DPF3: variants seen among roughly 807,000 people sequenced by gnomAD.
The protein encoded by DPF3 is zinc finger protein DPF3.
DPF3 carries 18 observed loss-of-function variants against 56.8 expected under a neutral mutation model. The observed-to-expected ratio is 0.32, with a 90% CI of 0.22 to 0.47. The LOEUF (loss-of-function observed/expected upper bound fraction) is 0.47, where lower values mean the gene tolerates loss of function less well. Among genes scored for constraint, DPF3 ranks in the 20% least tolerant of loss-of-function variants. The probability of loss-of-function intolerance (pLI) is 1.00; values close to 1 mark genes in which losing one functional copy is unlikely to be tolerated. For synonymous variants in DPF3, 188 were observed against 180.2 expected (o/e 1.04, Z -0.35); for missense variants, 403 against 488.8 (o/e 0.82, Z 1.65).
intron 1 of DPF3, among the ~76,000 whole-genome samples, chr14:72,800,553 TATGGATGC>T (rs1354728108): frequency 1.4e-5 from 2 of 143,494 alleles, no homozygotes; most frequent in South Asian, 2.2e-4. Flanking sequence ...CAGATGGATG[TATGGATGC>T]ATGGATGCAT....
chr14:72,771,994 A>C (rs1891553157), intron 1 of DPF3, 101 bp from the exon 2 acceptor site: 1 of 1,277,510 alleles, frequency 7.8e-7, no homozygotes, highest in Non-Finnish European at 1.0e-6. Context: ...GAAAGACTGA[A>C]GACCTCCCAG....
chr14:72,648,981 C>T (rs780810535), intron 8 of DPF3, among the ~76,000 whole-genome samples: 4 of 152,130 alleles, frequency 2.6e-5, no homozygotes, highest in Non-Finnish European at 4.4e-5. Flanking sequence ...TCCACACACT[C>T]GCCTAGCTCT....
At chr14:72,726,362 G>A (rs1889406465) in intron 4 of DPF3, among the ~76,000 whole-genome samples, 1 of 152,168 alleles carries the variant, frequency 6.6e-6, no homozygotes, top group Admixed American at 6.5e-5. Flanking sequence ...TGGGTTGGAA[G>A]GTGAAAGACT....
At chr14:72,756,097 G>A (rs1433296920) in intron 2 of DPF3, among the ~76,000 whole-genome samples, 1 of 152,166 alleles carries the variant, frequency 6.6e-6, no homozygotes, top group African/African-American at 2.4e-5. Flanking sequence ...TGAGCCTAGG[G>A]CTGGGGAGGG....
chr14:72,672,847 C>T (rs569978251), intron 8 of DPF3, among the ~76,000 whole-genome samples: 84 of 152,260 alleles, frequency 5.5e-4, no homozygotes, highest in Non-Finnish European at 9.3e-4. Context: ...AGTGACCTTG[C>T]TTCTGGAAGT....
intron 1 of DPF3, among the ~76,000 whole-genome samples, chr14:72,781,091 C>T (rs888345179): frequency 6.6e-6 from 1 of 152,192 alleles, no homozygotes; most frequent in Non-Finnish European, 1.5e-5. Flanking sequence ...TGAGAGGGGA[C>T]TTGTGTTGCT....
chr14:72,855,712 G>A (rs1270063941), intron 1 of DPF3, among the ~76,000 whole-genome samples: 1 of 152,162 alleles, frequency 6.6e-6, no homozygotes, highest in Non-Finnish European at 1.5e-5. Context: ...AGGGGATGGT[G>A]GGGGAGGCAA....
chr14:72,800,577 C>CATGG (rs1239462617), intron 1 of DPF3, among the ~76,000 whole-genome samples: 2 of 146,700 alleles, frequency 1.4e-5, no homozygotes, highest in South Asian at 4.4e-4. Context: ...TGCATGCATG[C>CATGG]ATGGATGGAT....
At chr14:72,882,616 T>C (rs1567269695) in intron 1 of DPF3, among the ~76,000 whole-genome samples, 1 of 152,244 alleles carries the variant, frequency 6.6e-6, no homozygotes, top group Non-Finnish European at 1.5e-5. Flanking sequence ...TTAATTTTTC[T>C]TGCTTGTTTC....
At chr14:72,687,412 A>G (rs1599357138) in intron 7 of DPF3, among the ~76,000 whole-genome samples, 1 of 152,238 alleles carries the variant, frequency 6.6e-6, no homozygotes, top group South Asian at 2.1e-4. Context: ...ATATAACAAT[A>G]AGACTCCAAA....
chr14:72,638,802 T>TA (rs1301682792), intron 8 of DPF3, among the ~76,000 whole-genome samples: 1 of 151,118 alleles, frequency 6.6e-6, no homozygotes, highest in African/African-American at 2.4e-5. Context: ...TCATGACACT[T>TA]AGACACTTTG....
At chr14:72,863,252 T>A (rs1293644041) in intron 1 of DPF3, among the ~76,000 whole-genome samples, 1 of 151,152 alleles carries the variant, frequency 6.6e-6, no homozygotes, top group East Asian at 1.9e-4. Context: ...TCATTTCATT[T>A]TAACTTTTTC....
chr14:72,718,771 A>ATTTTTTTTTTTTTTTTTTTTT (rs766396428), intron 5 of DPF3, among the ~76,000 whole-genome samples: 1 of 93,896 alleles, frequency 1.1e-5, no homozygotes, highest in African/African-American at 4.4e-5. Context: ...CACCCTTGCT[A>ATTTTTTTTTTTTTTTTTTTTT]TTTTTTTTTT....
intron 8 of DPF3, chr14:72,662,485 T>C: frequency 2.0e-6 from 2 of 984,790 alleles, no homozygotes; most frequent in Non-Finnish European, 2.4e-6. Context: ...TCAGTTTGTT[T>C]GTGTTCAGTT....
intron 1 of DPF3, among the ~76,000 whole-genome samples, chr14:72,795,494 C>T (rs535964006): frequency 1.7e-4 from 26 of 152,068 alleles, no homozygotes; most frequent in African/African-American, 5.5e-4. Context: ...ACAAAATGCA[C>T]GCAGAATCTT....
At chr14:72,670,487 CAGGGAGGAGAATG>C in intron 8 of DPF3, 1 of 986,278 alleles carries the variant, frequency 1.0e-6, no homozygotes. Flanking sequence ...ATGGAAAGGT[CAGGGAGGAGAATG>C]AGGGAGGGGT....
At chr14:72,823,713 G>A (rs980347976) in intron 1 of DPF3, among the ~76,000 whole-genome samples, 5 of 152,156 alleles carry the variant, frequency 3.3e-5, no homozygotes, top group Admixed American at 6.5e-5. Flanking sequence ...AAAAATTGGG[G>A]GCTAGGGAGG....
Position 72,612,993 on chromosome 14 carries a change from CGTGTGTGTGTGTGTGT to C in DPF3, c.*6288_*6303del, listed in dbSNP as rs59321921. 2.0e-5 allele frequency among the ~76,000 whole-genome samples: 3 copies of C among 148,952 alleles called. No homozygotes were observed. Among genetic ancestry groups the C allele is most frequent in the Non-Finnish European group, 3.0e-5 (2 of 67,228 alleles). On this transcript the variant is annotated 3_prime_UTR_variant, in exon 11 of 11. Transcript: ENST00000556509. ...TTTCCCTTTGGTTCATTAAGTAGGG[CGTGTGTGTGTGTGTGT>C]GTGTGTGTGTGTGTGTGTGTGTATG...
At chr14:72,643,749 C>T (rs1425393280) in intron 8 of DPF3, among the ~76,000 whole-genome samples, 2 of 152,256 alleles carry the variant, frequency 1.3e-5, no homozygotes, top group South Asian at 2.1e-4. Context: ...GCACAAAAGA[C>T]GGCTGGCATC....
Sources: allele counts gnomAD v4.1 joint callset (sites outside exome capture counted in the v4.1 genomes callset), GRCh38; gene constraint gnomAD v4.1.1; transcripts MANE v1.5; gene names NCBI Gene and HGNC (gene_info 2026-07-23, HGNC 2026-07-21).